RILPL1: variants seen among roughly 807,000 people sequenced by gnomAD.
RILPL1 encodes the protein RILP-like protein 1.
Under a neutral mutation model 50.3 loss-of-function variants are expected in RILPL1, and 33 were observed. That is an observed-to-expected ratio of 0.66 (90% CI 0.50 to 0.88). The LOEUF is 0.88. Ranked by LOEUF, RILPL1 falls within the 40% of genes least tolerant of loss-of-function variation. The probability of loss-of-function intolerance (pLI) is 0.00; values close to 1 mark genes in which losing one functional copy is unlikely to be tolerated. For missense variants in RILPL1, 418 were observed against 542.5 expected (o/e 0.77, Z 2.28); for synonymous variants, 205 against 228.6 (o/e 0.90, Z 0.93).
chr12:123,512,352 ATG>A lies in RILPL1; in HGVS notation c.460+11141_460+11142del, dbSNP rs764177999. The stretch of plus-strand genomic sequence containing the variant: ...TCTCTGTGTGGTGTGTGAGGTCTGT[ATG>A]TGTGTGTGTGTGTGTGGTGTGTCTG... On this transcript the variant is annotated intron_variant, in intron 2 of 6. Transcript: ENST00000376874. Among the ~76,000 whole-genome samples the A allele has an allele frequency of 3.8e-3, 278 of 72,356 alleles. 2 individuals are homozygous for A. The highest frequency in any genetic ancestry group is 0.021 in the Middle Eastern group (1 of 48). 47.5% of individuals were successfully genotyped at this position (72,356 alleles called of 152,430 possible).
chr12:123,517,478 C>T (rs943877813), intron 2 of RILPL1, among the ~76,000 whole-genome samples: 8 of 148,452 alleles, frequency 5.4e-5, no homozygotes, highest in African/African-American at 1.3e-4. Flanking sequence ...TGGAGCGCAG[C>T]GGTGGCAATC....
intron 2 of RILPL1, among the ~76,000 whole-genome samples, chr12:123,521,802 T>C (rs1219586122): frequency 6.6e-6 from 1 of 150,728 alleles, no homozygotes; most frequent in Non-Finnish European, 1.5e-5. Context: ...AGACATAGTC[T>C]TGCTCTGTCG....
chr12:123,518,367 CG>C (rs1884828079), intron 2 of RILPL1: 27 of 421,388 alleles, frequency 6.4e-5, no homozygotes, highest in Non-Finnish European at 9.9e-5. Context: ...CTTAGCCAGG[CG>C]TGGTGGTGCA....
chr12:123,523,423 C>G (rs1414265870), intron 2 of RILPL1, 72 bp downstream of exon 2: 1 of 1,577,540 alleles, frequency 6.3e-7, no homozygotes, highest in African/African-American at 1.3e-5. Context: ...GGGGTGGTGG[C>G]GACAATCGCT....
chr12:123,529,409 T>G (rs1328012538), intron 1 of RILPL1, among the ~76,000 whole-genome samples: 1 of 152,132 alleles, frequency 6.6e-6, no homozygotes, highest in Non-Finnish European at 1.5e-5. Flanking sequence ...CTCCTGCCTC[T>G]GCCTCCTGAG....
intron 4 of RILPL1, among the ~76,000 whole-genome samples, chr12:123,488,781 T>C (rs913006844): frequency 1.3e-5 from 2 of 152,246 alleles, no homozygotes; most frequent in African/African-American, 4.8e-5. Flanking sequence ...GAAACTGAAA[T>C]CTGACCCCGG....
In RILPL1 at chr12:123,488,180, C is replaced by T. The variant is rs544349478; in HGVS notation, c.802-2375G>A. Among the ~76,000 whole-genome samples, 247 of 152,136 alleles carry T rather than the reference C, an allele frequency of 1.6e-3. 1 individual carries two copies. Among genetic ancestry groups the T allele is most frequent in the African/African-American group, 5.8e-3 (239 of 41,514 alleles). ...TAGGCCCGGCACCGTGGCTCACACTCCTAATTCTAGCACTTTGGGAGGCTG... is the reference window on the plus strand; with the variant it reads ...TAGGCCCGGCACCGTGGCTCACACTTCTAATTCTAGCACTTTGGGAGGCTG... On this transcript the variant is annotated intron_variant, in intron 4 of 6. Coordinates refer to ENST00000376874, the MANE Select transcript of RILPL1 (RefSeq NM_178314.5).
chr12:123,482,606 C>T (rs1882067207), intron 6 of RILPL1, among the ~76,000 whole-genome samples: 1 of 151,268 alleles, frequency 6.6e-6, no homozygotes, highest in East Asian at 1.9e-4. Flanking sequence ...TCTTTTTTAT[C>T]CCTCTCTCTC....
chr12:123,511,411 AGGTCTGT>A (rs1884186439), intron 2 of RILPL1, among the ~76,000 whole-genome samples: 1 of 56,570 alleles, frequency 1.8e-5, no homozygotes, highest in African/African-American at 6.9e-5. Context: ...TGTGTGTGTG[AGGTCTGT>A]GTGTGAGGTC....
intron 1 of RILPL1, among the ~76,000 whole-genome samples, chr12:123,525,197 A>C (rs1241521326): frequency 6.6e-6 from 1 of 151,868 alleles, no homozygotes; most frequent in Non-Finnish European, 1.5e-5. Context: ...GCAAAACTCT[A>C]AAAACCACTG....
chr12:123,514,781 TATGCTACTGAATTAAATGATATACTAC>T (rs1361285025), intron 2 of RILPL1, among the ~76,000 whole-genome samples: 10 of 152,222 alleles, frequency 6.6e-5, no homozygotes, highest in Admixed American at 3.3e-4. Flanking sequence ...TGATATACTA[TATGCTACTGAATTAAATGATATACTAC>T]ATGCTACTGA....
At chr12:123,509,122 G>A (rs1883932940) in intron 2 of RILPL1, among the ~76,000 whole-genome samples, 1 of 149,634 alleles carries the variant, frequency 6.7e-6, no homozygotes, top group African/African-American at 2.5e-5. Flanking sequence ...GGGCAGGAGA[G>A]TGAGACTCCG....
chr12:123,478,525 AT>A (rs1881747996), intron 6 of RILPL1, among the ~76,000 whole-genome samples: 1 of 127,854 alleles, frequency 7.8e-6, no homozygotes, highest in South Asian at 2.6e-4. Context: ...TACCAGTGGC[AT>A]TTCAGGCAGT....
chr12:123,525,694 C>G (rs1352142430), intron 1 of RILPL1, among the ~76,000 whole-genome samples: 1 of 63,856 alleles, frequency 1.6e-5, no homozygotes, highest in Non-Finnish European at 3.1e-5. Flanking sequence ...GAGTGAGACA[C>G]TGTCTCAAAA....
At chr12:123,501,052 G>C (rs1167548086) in intron 2 of RILPL1, among the ~76,000 whole-genome samples, 1 of 152,012 alleles carries the variant, frequency 6.6e-6, no homozygotes, top group Non-Finnish European at 1.5e-5. Context: ...AGGTTGCAGT[G>C]AGCCGAGATC....
At chr12:123,517,712 G>A (rs1415553883) in intron 2 of RILPL1, among the ~76,000 whole-genome samples, 2 of 152,196 alleles carry the variant, frequency 1.3e-5, no homozygotes, top group South Asian at 2.1e-4. Flanking sequence ...ATGAGCCACC[G>A]CGCTTCTGAG....
chr12:123,510,622 T>C (rs1262929163), intron 2 of RILPL1, among the ~76,000 whole-genome samples: 5 of 92,960 alleles, frequency 5.4e-5, no homozygotes, highest in African/African-American at 2.1e-4. Flanking sequence ...GTGTGTGGTA[T>C]ATGTGTGTGA....
At chr12:123,508,505 T>C (rs1883896795) in intron 2 of RILPL1, among the ~76,000 whole-genome samples, 2 of 152,200 alleles carry the variant, frequency 1.3e-5, no homozygotes, top group Admixed American at 1.3e-4. Flanking sequence ...ATTCCATGTA[T>C]ATGAAGTTCA....
intron 2 of RILPL1, among the ~76,000 whole-genome samples, chr12:123,502,317 C>T (rs533263806): frequency 2.8e-4 from 43 of 152,330 alleles, no homozygotes; most frequent in African/African-American, 1.0e-3. Context: ...GCCGGGCAGA[C>T]GTCGTAGCAG....
Sources: gnomAD v4.1 joint callset for allele counts (sites outside exome capture counted in the v4.1 genomes callset) on GRCh38, gnomAD v4.1.1 for gene constraint, MANE v1.5 for transcripts, NCBI Gene and HGNC (gene_info 2026-07-23, HGNC 2026-07-21) for gene names.